The following MRTFB variants were observed in gnomAD, a reference collection of about 807,000 sequenced individuals.
MRTFB encodes the protein myocardin related transcription factor B.
Under a neutral mutation model 104.2 loss-of-function variants are expected in MRTFB, and 29 were observed. That is an observed-to-expected ratio of 0.28 (90% CI 0.21 to 0.38). MRTFB has a LOEUF of 0.38. MRTFB is among the 10% of genes least tolerant of loss of function. MRTFB has a pLI of 1.00. For missense variants in MRTFB, 1,270 were observed against 1,341.6 expected, an observed-to-expected ratio of 0.95 and a Z score of 0.83; for synonymous variants, 535 against 519.5, an observed-to-expected ratio of 1.03 and a Z score of -0.41.
chr16:14,096,608 A>G, intron 2 of MRTFB, among the ~76,000 whole-genome samples: 1 of 152,174 alleles, frequency 6.6e-6, no homozygotes, highest in Non-Finnish European at 1.5e-5. Flanking sequence ...TATTGTGGCA[A>G]GAGATGTGGA....
intron 2 of MRTFB, among the ~76,000 whole-genome samples, chr16:14,137,441 A>G (rs1392393603): frequency 6.6e-6 from 1 of 152,112 alleles, no homozygotes; most frequent in African/African-American, 2.4e-5. Flanking sequence ...ATTTTTTTAA[A>G]TCTATACCTA....
chr16:14,146,550 C>T (rs1464716874), intron 3 of MRTFB, among the ~76,000 whole-genome samples: 8 of 152,150 alleles, frequency 5.3e-5, no homozygotes, highest in Admixed American at 4.6e-4. Context: ...CAAGAGAACC[C>T]AAGATGGCTC....
intron 2 of MRTFB, among the ~76,000 whole-genome samples, chr16:14,127,660 AT>A (rs919615223): frequency 1.1e-4 from 16 of 145,968 alleles, no homozygotes; most frequent in Non-Finnish European, 1.6e-4. Context: ...AAAAAAAAAA[AT>A]AATGACGAAA....
chr16:14,240,531 T>A, intron 10 of MRTFB, 47 bp downstream of exon 10: 2 of 1,614,170 alleles, frequency 1.2e-6, no homozygotes, highest in Non-Finnish European at 1.7e-6. Context: ...TTCTGTGGTT[T>A]TTTATGAGGA....
At chr16:14,209,718 A>T (rs765512785) in intron 3 of MRTFB, among the ~76,000 whole-genome samples, 5 of 152,204 alleles carry the variant, frequency 3.3e-5, no homozygotes, top group Non-Finnish European at 7.3e-5. Context: ...TTGTGCAAAG[A>T]TTACTAAACT....
At chr16:14,006,499 T>C in the MRTFB span, among the ~76,000 whole-genome samples, 1 of 149,622 alleles carries the variant, frequency 6.7e-6, no homozygotes, top group Non-Finnish European at 1.5e-5. Flanking sequence ...GGCAGCAGAG[T>C]GAGACTCTGT....
At chr16:14,209,049 C>G (rs895422798) in intron 3 of MRTFB, among the ~76,000 whole-genome samples, 2 of 152,102 alleles carry the variant, frequency 1.3e-5, no homozygotes, top group Non-Finnish European at 2.9e-5. Flanking sequence ...TTTTAAAAGC[C>G]ATGTGACAGC....
chr16:14,083,591 GT>G (rs2034531739), intron 2 of MRTFB, among the ~76,000 whole-genome samples: 1 of 152,298 alleles, frequency 6.6e-6, no homozygotes, highest in African/African-American at 2.4e-5. Flanking sequence ...ACTTCCCTCT[GT>G]TTCCCCCATC....
intron 8 of MRTFB, among the ~76,000 whole-genome samples, chr16:14,227,308 A>G (rs1413624821): frequency 2.6e-5 from 4 of 151,702 alleles, no homozygotes; most frequent in Non-Finnish European, 2.9e-5. Context: ...AAAAGAAAGA[A>G]AGAAAAGCCC....
chr16:14,137,164 A>G (rs1027868525), intron 2 of MRTFB, among the ~76,000 whole-genome samples: 2 of 152,228 alleles, frequency 1.3e-5, no homozygotes, highest in Non-Finnish European at 2.9e-5. Flanking sequence ...AAAGAAAATC[A>G]TCAAGTAGTT....
At chr16:14,193,639 T>C (rs2040298665) in intron 3 of MRTFB, 1 of 152,214 alleles carries the variant, frequency 6.6e-6, no homozygotes, top group African/African-American at 2.4e-5. Context: ...TTCACCACTG[T>C]GCTTGCACCT....
chr16:14,017,712 T>TATATATA, the MRTFB span, among the ~76,000 whole-genome samples: 41 of 9,946 alleles, frequency 4.1e-3, no homozygotes, highest in Non-Finnish European at 6.4e-3. Flanking sequence ...TATATATATA[T>TATATATA]TTTTTTTTTT....
the MRTFB span, among the ~76,000 whole-genome samples, chr16:14,029,514 T>TAC: frequency 0.11 from 12,641 of 112,494 alleles, 725 homozygotes; most frequent in Middle Eastern, 0.23. Context: ...CACATATATA[T>TAC]ACACACACAC....
At chr16:14,234,597 C>T (rs1279864629) in intron 9 of MRTFB, among the ~76,000 whole-genome samples, 3 of 152,122 alleles carry the variant, frequency 2.0e-5, no homozygotes, top group Admixed American at 2.0e-4. Flanking sequence ...AGTTTAAGAA[C>T]AGCCTGGGCA....
At chr16:14,256,590 G>A (rs1247351227) in intron 15 of MRTFB, among the ~76,000 whole-genome samples, 1 of 152,156 alleles carries the variant, frequency 6.6e-6, no homozygotes, top group Non-Finnish European at 1.5e-5. Flanking sequence ...TCACATGGAG[G>A]GGCACTGAGG....
chr16:14,229,433 G>A (rs1238346174), intron 8 of MRTFB, among the ~76,000 whole-genome samples: 2 of 152,194 alleles, frequency 1.3e-5, no homozygotes, highest in African/African-American at 4.8e-5. Flanking sequence ...GAACTCTGCT[G>A]CATCCTAAAT....
the MRTFB span, chr16:14,019,353 T>A: frequency 6.6e-6 from 1 of 152,130 alleles, no homozygotes; most frequent in Admixed American, 6.5e-5. Flanking sequence ...TGTAATTGAG[T>A]CTTCAAAGGG....
chr16:14,100,495 A>G (rs1337306276), intron 2 of MRTFB, among the ~76,000 whole-genome samples: 1 of 152,150 alleles, frequency 6.6e-6, no homozygotes, highest in African/African-American at 2.4e-5. Flanking sequence ...ATTTGTTAAA[A>G]TTTTGTTTAG....
chr16:14,045,262 C>T, the MRTFB span, among the ~76,000 whole-genome samples: 1 of 152,156 alleles, frequency 6.6e-6, no homozygotes, highest in African/African-American at 2.4e-5. Context: ...GTTTCCAGAA[C>T]GTCACATGGA....
Sources: allele counts gnomAD v4.1 joint callset (sites outside exome capture counted in the v4.1 genomes callset), GRCh38; gene constraint gnomAD v4.1.1; transcripts MANE v1.5; gene names NCBI Gene and HGNC (gene_info 2026-07-23, HGNC 2026-07-21).